WDCP: variants seen among roughly 807,000 people sequenced by gnomAD.
WDCP encodes the protein WD repeat and coiled-coil-containing protein.
Under a neutral mutation model 41.6 loss-of-function variants are expected in WDCP, and 19 were observed. The observed-to-expected ratio is 0.46, with a 90% CI of 0.32 to 0.67. The LOEUF is 0.67. WDCP is among the 30% of genes least tolerant of loss of function. The pLI, the probability that WDCP is intolerant of heterozygous loss-of-function variation, is 0.04. For missense variants in WDCP, 802 were observed against 850.7 expected (o/e 0.94, Z 0.71); for synonymous variants, 302 against 320.8 (o/e 0.94, Z 0.63).
rs149090512 is a variant in WDCP, at chr2:24,038,045, T to G, written c.1450A>C (p.Thr484Pro). 3.7e-5 allele frequency: 60 copies of G among 1,614,066 alleles called. 3 individuals are homozygous for G. In the Admixed American group the frequency reaches 8.2e-4, roughly 22 times the overall value. The change falls in exon 2 of 4, where the codon ACC (threonine) becomes CCC (proline). Residue 484 changes from threonine (T) to proline (P), a missense_variant. Physicochemically the swap from Thr to Pro is conservative, Grantham distance 38 (BLOSUM62 -1). Transcript: ENST00000295148. ...CCAGGCCTTCCATTCTGACTACTGG[T>G]ATTAACTGTCAGCAACAGCCCTTTG... The part of the protein sequence containing the change: ...QNKGLLLTVN[T>P]SSQNGRPGRT...
At position 24,038,964 on chromosome 2, in the gene WDCP, G is replaced by T. The variant is rs768280739; in HGVS notation, c.531C>A (p.Ser177Arg). Residue 177 changes from serine to arginine, a missense_variant, in exon 2 of 4, where the codon AGC (serine) becomes AGA (arginine). Coordinates refer to ENST00000295148, the MANE Select transcript of WDCP (RefSeq NM_025203.3). Reference protein sequence around the residue: ...DGLRLVVAVGSSLHSYIWDSA... With the variant: ...DGLRLVVAVGRSLHSYIWDSA... Reference sequence around the variant, plus strand: ...TGTCCCAAATATAAGAATGCAGGCTGCTGCCTACTGCCACCACCAGCCTCA... The same window carrying T: ...TGTCCCAAATATAAGAATGCAGGCTTCTGCCTACTGCCACCACCAGCCTCA... The T allele has an allele frequency of 1.1e-5, 18 of 1,614,208 alleles. No individual in the cohort carries two copies. The South Asian group carries it at 2.0e-4, about 18-fold the overall frequency.
rs150854386 is a variant in WDCP, at chr2:24,038,731, C to T, written c.764G>A (p.Gly255Asp). The T allele has an allele frequency of 3.3e-5, 54 of 1,614,054 alleles. No homozygotes were observed. The highest frequency in any genetic ancestry group is 2.7e-4 in the East Asian group (12 of 44,902). The change falls in exon 2 of 4, where the codon GGT becomes GAT. Residue 255 changes from glycine (G) to aspartate (D), a missense_variant. Coordinates refer to ENST00000295148, the MANE Select transcript of WDCP (RefSeq NM_025203.3). ...CTCTTTATCCATAGAGCGTACTTCA[C>T]CAATAACTGGTAAAGCATACGGAGT... is the stretch of plus-strand genomic sequence containing the variant. ...DMTPYALPVI[G>D]EVRSMDKEAT...
At position 24,037,724 on chromosome 2, in the gene WDCP, C is replaced by A; in HGVS notation, c.1771G>T (p.Val591Leu). The A allele has an allele frequency of 6.2e-7, 1 of 1,614,130 alleles. No individual in the cohort carries two copies. Among genetic ancestry groups the A allele is most frequent in the Non-Finnish European group, 8.5e-7 (1 of 1,180,014 alleles). ...GGAAGATCTTGAGAGAGTGGATACA[C>A]TGAAGAGGATTTCTTCCCATTATGC... is the stretch of plus-strand genomic sequence containing the variant. ...RLHNGKKSSS[V>L]YPLSQDLPYV... is the part of the protein sequence containing the mutation. The change falls in exon 2 of 4, where the codon GTG becomes TTG. Residue 591 changes from valine to leucine, a missense_variant. By Grantham distance (32) the Val-to-Leu change is conservative. Transcript: ENST00000295148.
chr2:24,045,631 G>GAGAGGA (rs1553318652), intron 1 of WDCP, among the ~76,000 whole-genome samples: 125 of 106,098 alleles, frequency 1.2e-3, no homozygotes, highest in African/African-American at 5.7e-3. Flanking sequence ...GAGAGAGAGA[G>GAGAGGA]AGGAAGGAAG....
At chr2:24,039,869 C>T (rs935107611) in intron 1 of WDCP, among the ~76,000 whole-genome samples, 16 of 152,026 alleles carry the variant, frequency 1.1e-4, no homozygotes, top group Non-Finnish European at 1.9e-4. Flanking sequence ...ACAATCTCGG[C>T]GCACTTCAAC....
intron 1 of WDCP, among the ~76,000 whole-genome samples, chr2:24,043,975 A>G (rs1663533531): frequency 1.3e-5 from 2 of 152,180 alleles, no homozygotes; most frequent in Admixed American, 6.5e-5. Flanking sequence ...AAAAAAGTCC[A>G]GTCATTACTA....
In WDCP at chr2:24,039,077, G is replaced by A. The variant is rs1416089837; in HGVS notation, c.418C>T (p.Pro140Ser). The change falls in exon 2 of 4, where the codon CCT becomes TCT. Residue 140 changes from proline to serine, a missense_variant. Physicochemically the swap from Pro to Ser is moderately conservative, Grantham distance 74. Transcript: ENST00000295148. ...TGGGAATCATCAGAGTGAACATTAG[G>A]GAAAATGGAGACATCCTGAGCAGTC... ...VLTAQDVSIF[P>S]NVHSDDSQVK... 3 of 1,614,128 alleles carry A rather than the reference G, an allele frequency of 1.9e-6. No homozygotes were observed. In the South Asian group the frequency reaches 3.3e-5, roughly 18 times the overall value.
intron 2 of WDCP, among the ~76,000 whole-genome samples, chr2:24,037,031 T>G (rs1240164266): frequency 2.0e-5 from 3 of 152,238 alleles, no homozygotes; most frequent in African/African-American, 7.2e-5. Flanking sequence ...GAACATAACC[T>G]TTTCCTTTTT....
In WDCP at chr2:24,032,847, G is replaced by C. The variant is rs774777063; in HGVS notation, c.1918C>G (p.Leu640Val). 1.1e-5 allele frequency: 17 copies of C among 1,609,848 alleles called. No individual in the cohort carries two copies. The highest frequency in any genetic ancestry group is 6.6e-5 in the South Asian group (6 of 90,942). ...GACCTACCATGTAGCATTTCAATGA[G>C]AGAAAGGCCAAAAGTCTGCTGAACT... ...STVQQTFGLS[L>V]IEMLHDSHWI... is the part of the protein sequence containing the mutation. Residue 640 changes from leucine (L) to valine (V), a missense_variant, in exon 3 of 4, where the codon CTC (leucine) becomes GTC (valine). By Grantham distance (32) the Leu-to-Val change is conservative. Coordinates refer to ENST00000295148, the MANE Select transcript of WDCP (RefSeq NM_025203.3).
intron 1 of WDCP, among the ~76,000 whole-genome samples, chr2:24,044,088 T>C (rs1663536961): frequency 6.6e-6 from 1 of 152,184 alleles, no homozygotes; most frequent in African/African-American, 2.4e-5. Flanking sequence ...TATTGATAAA[T>C]AATGCCATGA....
chr2:24,041,824 C>G (rs1253183127), intron 1 of WDCP, among the ~76,000 whole-genome samples: 1 of 139,406 alleles, frequency 7.2e-6, no homozygotes, highest in East Asian at 2.1e-4. Flanking sequence ...CGCCACTGCA[C>G]TCCAGCCTGG....
Position 24,038,733 on chromosome 2 carries a change from A to G in WDCP, c.762T>C (p.Ile254=), listed in dbSNP as rs749654940. 6.2e-7 allele frequency: 1 copy of G among 1,614,242 alleles called. No homozygotes were observed. Among genetic ancestry groups the G allele is most frequent in the Non-Finnish European group, 8.5e-7 (1 of 1,180,040 alleles). ...CTTTATCCATAGAGCGTACTTCACCAATAACTGGTAAAGCATACGGAGTCA... is the reference window on the plus strand; with the variant it reads ...CTTTATCCATAGAGCGTACTTCACCGATAACTGGTAAAGCATACGGAGTCA... The part of the protein sequence containing the change: ...KDMTPYALPV[I]GEVRSMDKEA... Residue 254 remains isoleucine, a synonymous_variant, in exon 2 of 4, where the codon ATT becomes ATC. Transcript: ENST00000295148.
intron 3 of WDCP, among the ~76,000 whole-genome samples, chr2:24,032,617 G>T (rs1663128418): frequency 6.6e-6 from 1 of 151,942 alleles, no homozygotes; most frequent in Non-Finnish European, 1.5e-5. Context: ...GGAGTTCGAG[G>T]CTGCAGTGAG....
chr2:24,038,631 T>C lies in WDCP; in HGVS notation c.864A>G (p.Ile288Met), dbSNP rs1573661304. Residue 288 changes from isoleucine (I) to methionine (M), a missense_variant, in exon 2 of 4, where the codon ATA (isoleucine) becomes ATG (methionine). Physicochemically the swap from Ile to Met is conservative, Grantham distance 10. Around this residue, in one of 5 missense-constraint regions of WDCP, gnomAD observed 247 missense variants for 240.5 expected, o/e 1.03. Transcript: ENST00000295148. ...CCTCAGACTTATGTTGATTGAAATG[T>C]ATGTGAGTTAGATCCAGAGGTTCTA... ...SYLEPLDLTH[I>M]HFNQHKSEGN... is the part of the protein sequence containing the mutation. The C allele has an allele frequency of 1.9e-6, 3 of 1,614,116 alleles. No individual in the cohort carries two copies. The highest frequency in any genetic ancestry group is 1.7e-6 in the Non-Finnish European group (2 of 1,180,044).
intron 1 of WDCP, among the ~76,000 whole-genome samples, chr2:24,040,610 T>G (rs1389501859): frequency 6.6e-6 from 1 of 152,264 alleles, no homozygotes; most frequent in Non-Finnish European, 1.5e-5. Context: ...CATTCCCTAT[T>G]GCATTTTATC....
chr2:24,038,678 C>T lies in WDCP; in HGVS notation c.817G>A (p.Val273Ile). 2 of 1,614,196 alleles carry T rather than the reference C, an allele frequency of 1.2e-6. No individual in the cohort carries two copies. Among genetic ancestry groups the T allele is most frequent in the Non-Finnish European group, 1.7e-6 (2 of 1,180,026 alleles). The stretch of plus-strand genomic sequence containing the variant: ...TCTAAATAGGAAGAAGAAACTGATA[C>T]TTCAGAATTTGTTTCAGAATCAGTT... ...EATDSETNSE[V>I]SVSSSYLEPL... Residue 273 changes from valine to isoleucine, a missense_variant, in exon 2 of 4, where the codon GTA becomes ATA. Coordinates refer to ENST00000295148, the MANE Select transcript of WDCP (RefSeq NM_025203.3).
At chr2:24,045,481 G>A (rs1049657107) in intron 1 of WDCP, among the ~76,000 whole-genome samples, 1 of 151,660 alleles carries the variant, frequency 6.6e-6, no homozygotes. Context: ...TGTGCCTGTA[G>A]TTCCAGCTAC....
chr2:24,043,515 A>AC (rs1663517577), intron 1 of WDCP, among the ~76,000 whole-genome samples: 1 of 151,974 alleles, frequency 6.6e-6, no homozygotes, highest in African/African-American at 2.4e-5. Flanking sequence ...ACAAAACAAA[A>AC]AACCCCCCAA....
intron 1 of WDCP, among the ~76,000 whole-genome samples, chr2:24,042,575 G>GGC (rs1372493948): frequency 6.6e-6 from 1 of 150,956 alleles, no homozygotes; most frequent in Admixed American, 6.6e-5. Context: ...TGGCTGTGGT[G>GGC]GCGCATGCCT....
Sources: gnomAD v4.1 joint callset for allele counts (sites outside exome capture counted in the v4.1 genomes callset) on GRCh38, gnomAD v4.1.1 for gene constraint, gnomAD v4.1.1 regional missense constraint, MANE v1.5 for transcripts, NCBI Gene and HGNC (gene_info 2026-07-23, HGNC 2026-07-21) for gene names.